The following SIPA1L2 variants were observed in gnomAD, a reference collection of about 807,000 sequenced individuals.
The protein encoded by SIPA1L2 is signal induced proliferation associated 1 like 2.
Under a neutral mutation model 163.9 loss-of-function variants are expected in SIPA1L2, and 56 were observed. The ratio of observed to expected loss-of-function variants is 0.34; its 90% CI spans 0.28 to 0.43. The LOEUF is 0.43. SIPA1L2 is among the 20% of genes least tolerant of loss of function. The probability of loss-of-function intolerance (pLI) is 1.00; values close to 1 mark genes in which losing one functional copy is unlikely to be tolerated. For synonymous variants in SIPA1L2, 877 were observed against 865.7 expected, an observed-to-expected ratio of 1.01 and a Z score of -0.23; for missense variants, 1,974 against 2,193.5, an observed-to-expected ratio of 0.90 and a Z score of 2.00.
rs1660398570 is a variant in SIPA1L2, at chr1:232,402,424, T to G, written c.4990A>C (p.Ile1664Leu). The change falls in exon 22 of 23, where the codon ATT becomes CTT. Residue 1664 changes from isoleucine to leucine, a missense_variant. By Grantham distance (5) the Ile-to-Leu change is conservative. This residue lies in a region of SIPA1L2 where 1,079 missense variants were observed against 1,150.7 expected (regional missense o/e 0.94). Transcript: ENST00000674635. The part of the protein sequence containing the change: ...LTGKVNQLEL[I>L]LRQLQTDLRK... ...AGGTCGGTCTGGAGTTGTCGAAGAA[T>G]TAATTCCAGCTGATTGACTTTCCCG... The G allele has an allele frequency of 6.2e-7, 1 of 1,613,620 alleles. No homozygotes were observed. The highest frequency in any genetic ancestry group is 1.3e-5 in the African/African-American group (1 of 74,944).
chr1:232,591,437 G>A (rs1468298244), intron 1 of SIPA1L2, among the ~76,000 whole-genome samples: 1 of 152,224 alleles, frequency 6.6e-6, no homozygotes, highest in East Asian at 1.9e-4. Flanking sequence ...TCCTCCCTGG[G>A]TCTGCCGAGG....
intron 2 of SIPA1L2, among the ~76,000 whole-genome samples, chr1:232,528,396 C>G (rs1027981541): frequency 1.4e-4 from 21 of 152,048 alleles, no homozygotes; most frequent in African/African-American, 5.1e-4. Flanking sequence ...TTTCTACTGT[C>G]GCAGGTTCTC....
intron 2 of SIPA1L2, among the ~76,000 whole-genome samples, chr1:232,562,297 T>C (rs1316913724): frequency 6.6e-6 from 1 of 152,178 alleles, no homozygotes; most frequent in African/African-American, 2.4e-5. Flanking sequence ...AATCATAAAG[T>C]TGTCAAAGAT....
intron 2 of SIPA1L2, among the ~76,000 whole-genome samples, chr1:232,571,371 A>T (rs1659719631): frequency 1.3e-5 from 2 of 152,364 alleles, no homozygotes; most frequent in South Asian, 4.1e-4. Flanking sequence ...TGAATAATTC[A>T]ATTTTTTTAA....
Position 232,398,196 on chromosome 1 carries a change from A to G in SIPA1L2, c.*931T>C, listed in dbSNP as rs1414763463. The stretch of plus-strand genomic sequence containing the variant: ...TGCAGGCCAAACCAAATTTTATAAA[A>G]TTAACAATTTAAGGTTAAATAAGCT... On this transcript the variant is annotated 3_prime_UTR_variant, in exon 23 of 23. Transcript: ENST00000674635. The G allele has an allele frequency of 6.5e-6, 1 of 152,672 alleles. No individual in the cohort carries two copies. Among genetic ancestry groups the G allele is most frequent in the Non-Finnish European group, 1.5e-5 (1 of 68,054 alleles). The allele number at this position is 152,672 out of a possible 1,614,324, so 9.5% of individuals were successfully genotyped here. A position where few individuals can be genotyped will look rare whatever the true frequency, so the allele number is the denominator to read the frequency against.
At chr1:232,426,655 G>A (rs1008135160) in intron 17 of SIPA1L2, among the ~76,000 whole-genome samples, 5 of 151,580 alleles carry the variant, frequency 3.3e-5, no homozygotes, top group African/African-American at 7.3e-5. Context: ...GCAAGACTCC[G>A]TCTTGGAAAA....
At chr1:232,502,926 T>C (rs921448893) in intron 3 of SIPA1L2, among the ~76,000 whole-genome samples, 2 of 152,110 alleles carry the variant, frequency 1.3e-5, no homozygotes, top group Admixed American at 6.5e-5. Flanking sequence ...AGGAGGGAAA[T>C]AGTTGCCCTT....
At position 232,511,413 on chromosome 1, in the gene SIPA1L2, T is replaced by A. The variant is rs1200252989; in HGVS notation, c.1483+2444A>T. ...TAAGTGACCAGATGCAGTGTAAATA[T>A]CTGTTTATTTAGCTTTATTGCATCA... On this transcript the variant is annotated intron_variant, in intron 3 of 22. Coordinates refer to ENST00000674635, the MANE Select transcript of SIPA1L2 (RefSeq NM_020808.5). Among the ~76,000 whole-genome samples, 3 of 152,370 alleles carry A rather than the reference T, an allele frequency of 2.0e-5. No homozygotes were observed. The East Asian group carries it at 5.8e-4, about 29-fold the overall frequency.
At chr1:232,443,320 A>G (rs1360298324) in intron 12 of SIPA1L2, among the ~76,000 whole-genome samples, 2 of 152,184 alleles carry the variant, frequency 1.3e-5, no homozygotes, top group Non-Finnish European at 2.9e-5. Context: ...TCAGCAATTT[A>G]AGTCAGGAGG....
intron 1 of SIPA1L2, among the ~76,000 whole-genome samples, chr1:232,594,313 G>C (rs1371445499): frequency 2.0e-5 from 3 of 152,204 alleles, no homozygotes; most frequent in Admixed American, 2.0e-4. Flanking sequence ...TGGCTGTGGG[G>C]AAAAAGCAAG....
At chr1:232,557,480 A>C (rs1383065289) in intron 2 of SIPA1L2, among the ~76,000 whole-genome samples, 1 of 152,198 alleles carries the variant, frequency 6.6e-6, no homozygotes, top group Non-Finnish European at 1.5e-5. Context: ...ATCAGGCCCC[A>C]CCAAACAATG....
At chr1:232,481,194 A>G (rs1665336778) in intron 6 of SIPA1L2, among the ~76,000 whole-genome samples, 1 of 152,210 alleles carries the variant, frequency 6.6e-6, no homozygotes, top group African/African-American at 2.4e-5. Flanking sequence ...GTAACATTCC[A>G]TTTTAATTCT....
In SIPA1L2 at chr1:232,435,188, C is replaced by T. The variant is rs111866261; in HGVS notation, c.4032-2717G>A. Among the ~76,000 whole-genome samples, 71 of 152,238 alleles carry T rather than the reference C, an allele frequency of 4.7e-4. 1 individual carries two copies. The highest frequency in any genetic ancestry group is 1.5e-3 in the African/African-American group (63 of 41,528). ...TGTGTGTAGGTTACTCACCTTTCCC[C>T]CTTAAAATGACCAAAGCGTATAGTT... On this transcript the variant is annotated intron_variant, in intron 15 of 22. Coordinates refer to ENST00000674635, the MANE Select transcript of SIPA1L2 (RefSeq NM_020808.5).
intron 2 of SIPA1L2, among the ~76,000 whole-genome samples, chr1:232,549,335 A>G (rs1269886842): frequency 6.6e-6 from 1 of 152,138 alleles, no homozygotes; most frequent in Non-Finnish European, 1.5e-5. Context: ...GCCTTACACT[A>G]TCATCCTTTT....
At chr1:232,578,253 T>C (rs1222006464) in intron 1 of SIPA1L2, among the ~76,000 whole-genome samples, 2 of 149,984 alleles carry the variant, frequency 1.3e-5, no homozygotes, top group African/African-American at 4.9e-5. Context: ...AACTTTTAAA[T>C]GCACTGGAAA....
chr1:232,409,937 T>C (rs1007295674), intron 19 of SIPA1L2, among the ~76,000 whole-genome samples: 6 of 152,150 alleles, frequency 3.9e-5, no homozygotes, highest in African/African-American at 9.7e-5. Context: ...ATTATACTTA[T>C]AAAAATATAT....
chr1:232,588,286 T>C (rs1396130524), intron 1 of SIPA1L2, among the ~76,000 whole-genome samples: 1 of 152,188 alleles, frequency 6.6e-6, no homozygotes, highest in African/African-American at 2.4e-5. Context: ...GACAAGGCTA[T>C]CTGGCAGGCA....
chr1:232,491,847 C>A (rs1665947492), intron 4 of SIPA1L2, among the ~76,000 whole-genome samples: 1 of 152,126 alleles, frequency 6.6e-6, no homozygotes, highest in Admixed American at 6.5e-5. Flanking sequence ...TAACACTGGA[C>A]AACAGAACTA....
In SIPA1L2 at chr1:232,483,847, G is replaced by T. The variant is rs1572966302; in HGVS notation, c.1926C>A (p.Gly642=). Residue 642 remains glycine (G), a synonymous_variant, in exon 6 of 23, where the codon GGC becomes GGA. Coordinates refer to ENST00000674635, the MANE Select transcript of SIPA1L2 (RefSeq NM_020808.5). ...PAFEEFLDLL[G]QRVRLKGFSK... ...TAAATCCTTTCAGTCGGACTCTCTG[G>T]CCCAGAAGATCAAGGAATTCTTCAA... 1 of 1,614,000 alleles carries T rather than the reference G, an allele frequency of 6.2e-7. No homozygotes were observed. The highest frequency in any genetic ancestry group is 2.2e-5 in the East Asian group (1 of 44,874).
Sources: allele counts gnomAD v4.1 joint callset (sites outside exome capture counted in the v4.1 genomes callset), GRCh38; gene constraint gnomAD v4.1.1; regional missense constraint gnomAD v4.1.1; transcripts MANE v1.5; gene names NCBI Gene and HGNC (gene_info 2026-07-23, HGNC 2026-07-21).